Variants in STK10 observed in about 807,000 individuals in gnomAD.
STK10 encodes serine/threonine-protein kinase 10.
Under a neutral mutation model 113.8 loss-of-function variants are expected in STK10, and 78 were observed. The observed-to-expected ratio is 0.69, with a 90% CI of 0.57 to 0.83. The LOEUF (loss-of-function observed/expected upper bound fraction) is 0.83, where lower values mean the gene tolerates loss of function less well. Among genes scored for constraint, STK10 ranks in the 40% least tolerant of loss-of-function variants. The probability of loss-of-function intolerance (pLI) is 0.00; values close to 1 mark genes in which losing one functional copy is unlikely to be tolerated. For missense variants in STK10, 1,109 were observed against 1,280.1 expected, an observed-to-expected ratio of 0.87 and a Z score of 2.04; for synonymous variants, 465 against 494.7, an observed-to-expected ratio of 0.94 and a Z score of 0.80.
Position 172,187,851 on chromosome 5 carries a change from C to G in STK10, c.156+36G>C, listed in dbSNP as rs376052561. 85 of 1,605,724 alleles carry G rather than the reference C, an allele frequency of 5.3e-5. No individual in the cohort carries two copies. The highest frequency in any genetic ancestry group is 8.5e-5 in the Admixed American group (5 of 59,142). On this transcript the variant is annotated intron_variant, in intron 1 of 18. Transcript: ENST00000176763. The surrounding 1 kb of genome is among the most constrained non-coding windows in gnomAD (Gnocchi z 4.6). ...GGCATCCCTTCCTTCCGGAGCCCCT[C>G]GACGCGCGTCCGGCCACCCACCTCA...
At chr5:172,059,434 CAAAAAAA>C (rs58446505) in intron 14 of STK10, among the ~76,000 whole-genome samples, 1 of 57,004 alleles carries the variant, frequency 1.8e-5, no homozygotes, top group Non-Finnish European at 3.8e-5. Flanking sequence ...CTCTCCATCT[CAAAAAAA>C]AAAAAAAAAA....
Position 172,061,172 on chromosome 5 carries a change from CG to C in STK10, c.2178del (p.Glu727SerfsTer4), listed in dbSNP as rs1561791742. 1.9e-6 allele frequency: 3 copies of C among 1,613,286 alleles called. No individual in the cohort carries two copies. Among genetic ancestry groups the C allele is most frequent in the Admixed American group, 3.3e-5 (2 of 59,854 alleles). Reference sequence around the variant, plus strand: ...AGCTCCTGCTTCTTCATGAGGCACTCGCGCTCCTTGTCACAGATCTCCCGCC... The same window carrying C: ...AGCTCCTGCTTCTTCATGAGGCACTCCGCTCCTTGTCACAGATCTCCCGCC... ...DNRREICDKE[R>X]ECLMKKQELL... On this transcript the variant is annotated frameshift_variant, in exon 14 of 19. Coordinates refer to ENST00000176763, the MANE Select transcript of STK10 (RefSeq NM_005990.4). LOFTEE classifies it high-confidence loss of function.
chr5:172,083,124 C>G (rs1768472348), intron 10 of STK10, 40 bp from the exon 11 acceptor site: 2 of 1,610,604 alleles, frequency 1.2e-6, no homozygotes, highest in Non-Finnish European at 1.7e-6. Flanking sequence ...CAGTAAGAAA[C>G]TGGCTTCAGA....
chr5:172,175,198 GA>G (rs939189062), intron 1 of STK10, among the ~76,000 whole-genome samples: 1 of 152,156 alleles, frequency 6.6e-6, no homozygotes, highest in African/African-American at 2.4e-5. Flanking sequence ...AAATTTTTTG[GA>G]AGAGATGGAG....
At chr5:172,156,177 T>G (rs1770343061) in intron 2 of STK10, among the ~76,000 whole-genome samples, 1 of 152,112 alleles carries the variant, frequency 6.6e-6, no homozygotes, top group Non-Finnish European at 1.5e-5. Context: ...AGTGCTACTA[T>G]GACAAATAAC....
At chr5:172,096,710 G>C in intron 7 of STK10, 150 bp from the exon 8 acceptor site, 1 of 1,093,876 alleles carries the variant, frequency 9.1e-7, no homozygotes, top group Non-Finnish European at 1.3e-6. Flanking sequence ...AGACAGCCTG[G>C]AAAGTCCCAA....
At chr5:172,186,942 G>A (rs1227173846) in intron 1 of STK10, among the ~76,000 whole-genome samples, 1 of 152,126 alleles carries the variant, frequency 6.6e-6, no homozygotes, top group Non-Finnish European at 1.5e-5. Context: ...CAAGCTACAG[G>A]AGCCCCAAGG....
At chr5:172,123,980 G>A (rs1268137671) in intron 3 of STK10, among the ~76,000 whole-genome samples, 1 of 152,124 alleles carries the variant, frequency 6.6e-6, no homozygotes, top group Non-Finnish European at 1.5e-5. Context: ...TGGGCTGAGT[G>A]CACTGGCATG....
chr5:172,056,995 G>GAAAGAAAAAGAA (rs1157626941), intron 15 of STK10: 1 of 69,664 alleles, frequency 1.4e-5, no homozygotes, highest in Non-Finnish European at 2.8e-5. Flanking sequence ...AAGAAAGAAA[G>GAAAGAAAAAGAA]AGAAAGAAGG....
Position 172,114,473 on chromosome 5 carries a change from A to ATATT in STK10, c.520+3007_520+3008insAATA, listed in dbSNP as rs1226289994. ...ATTATATATATATATATATATATATATTTTTTTTTTTTTTTTTTTTTTTTT... is the reference window on the plus strand; with the variant it reads ...ATTATATATATATATATATATATATATATTTTTTTTTTTTTTTTTTTTTTTTTTT... On this transcript the variant is annotated intron_variant, in intron 4 of 18. Transcript: ENST00000176763. 1.1e-3 allele frequency: 50 copies of ATATT among 47,552 alleles called. 2 individuals are homozygous for ATATT. Among genetic ancestry groups the ATATT allele is most frequent in the African/African-American group, 3.4e-3 (24 of 7,082 alleles). The allele number at this position is 47,552 out of a possible 1,614,324, so 2.9% of individuals were successfully genotyped here.
At chr5:172,159,607 A>G (rs1430200612) in intron 1 of STK10, among the ~76,000 whole-genome samples, 2 of 148,562 alleles carry the variant, frequency 1.3e-5, no homozygotes, top group Non-Finnish European at 3.0e-5. Flanking sequence ...GGATTGCCTG[A>G]GCTCAGAAAT....
rs1767428208 is a variant in STK10 at position 172,043,472 on chromosome 5, A to T, written c.*1410T>A. The T allele has an allele frequency of 6.6e-6, 1 of 152,184 alleles. No homozygotes were observed. The highest frequency in any genetic ancestry group is 6.6e-5 in the Admixed American group (1 of 15,266). 9.4% of individuals were successfully genotyped at this position (152,184 alleles called of 1,614,324 possible). On this transcript the variant is annotated 3_prime_UTR_variant, in exon 19 of 19. Transcript: ENST00000176763. ...TCAATATGCCCGCATGATTACTCCA[A>T]ATCATTACCAGTTTTGTGTTGTTGT...
intron 13 of STK10, chr5:172,063,634 C>T (rs1048481558): frequency 2.0e-5 from 3 of 151,788 alleles, no homozygotes; most frequent in African/African-American, 7.3e-5. Flanking sequence ...CTCACCAGTC[C>T]TGCGTTCTCT....
At chr5:172,172,421 C>A (rs1482878808) in intron 1 of STK10, among the ~76,000 whole-genome samples, 1 of 152,182 alleles carries the variant, frequency 6.6e-6, no homozygotes, top group African/African-American at 2.4e-5. Context: ...CAAGCTATAC[C>A]CGTGTTCCAC....
intron 2 of STK10, among the ~76,000 whole-genome samples, chr5:172,142,935 G>A (rs570394802): frequency 1.3e-5 from 2 of 152,158 alleles, no homozygotes; most frequent in Non-Finnish European, 2.9e-5. Flanking sequence ...GCCCTCTCTG[G>A]GCCCTACTGG....
intron 13 of STK10, 114 bp downstream of exon 13, chr5:172,064,606 T>A: frequency 9.1e-7 from 1 of 1,094,832 alleles, no homozygotes; most frequent in South Asian, 1.3e-5. Flanking sequence ...GATTTAGGTA[T>A]TCAGAACGGG....
chr5:172,156,607 C>T lies in STK10; in HGVS notation c.321+17G>A, dbSNP rs781732239. ...GCCATGGGGGCTGAGCTGGGACAGACAGGGCGGCAGCCTTACCCACAGCTT... is the reference window on the plus strand; with the variant it reads ...GCCATGGGGGCTGAGCTGGGACAGATAGGGCGGCAGCCTTACCCACAGCTT... On this transcript the variant is annotated intron_variant, in intron 2 of 18. Transcript: ENST00000176763. 1 of 1,605,942 alleles carries T rather than the reference C, an allele frequency of 6.2e-7. No homozygotes were observed. The highest frequency in any genetic ancestry group is 8.5e-7 in the Non-Finnish European group (1 of 1,174,366).
chr5:172,166,388 A>G (rs889075533), intron 1 of STK10, among the ~76,000 whole-genome samples: 2 of 152,188 alleles, frequency 1.3e-5, no homozygotes, highest in Non-Finnish European at 2.9e-5. Context: ...ACCAAGAAGG[A>G]GATGAGTTCC....
At chr5:172,078,780 C>G (rs1319745199) in intron 12 of STK10, among the ~76,000 whole-genome samples, 2 of 96,610 alleles carry the variant, frequency 2.1e-5, no homozygotes, top group Non-Finnish European at 2.1e-5. Flanking sequence ...CGCTCTGCCT[C>G]GTTCAGAGGC....
Sources: gnomAD v4.1 joint callset for allele counts (sites outside exome capture counted in the v4.1 genomes callset) on GRCh38, gnomAD v4.1.1 for gene constraint, Gnocchi (gnomAD v3.1) non-coding constraint, MANE v1.5 for transcripts, NCBI Gene and HGNC (gene_info 2026-07-23, HGNC 2026-07-21) for gene names.